The following ENTREP2 variants were observed in gnomAD, a reference collection of about 807,000 sequenced individuals.
ENTREP2 encodes protein ENTREP2.
At chr15:29,336,603 G>A in the ENTREP2 span, among the ~76,000 whole-genome samples, 1 of 151,012 alleles carries the variant, frequency 6.6e-6, no homozygotes, top group East Asian at 2.0e-4. Context: ...GAGCCACCGC[G>A]CCCAGCCTTA....
the ENTREP2 span, among the ~76,000 whole-genome samples, chr15:29,555,971 C>T: frequency 5.7e-4 from 87 of 152,360 alleles, 1 homozygote; most frequent in East Asian, 6.4e-3. Flanking sequence ...AGGGGAATTC[C>T]TGGCCAGGCA....
chr15:29,422,206 G>A, the ENTREP2 span, among the ~76,000 whole-genome samples: 1 of 151,970 alleles, frequency 6.6e-6, no homozygotes, highest in Non-Finnish European at 1.5e-5. Context: ...GGAAGCAGAG[G>A]TTGCAGTGAG....
the ENTREP2 span, among the ~76,000 whole-genome samples, chr15:29,411,318 C>A: frequency 6.6e-6 from 1 of 152,094 alleles, no homozygotes; most frequent in Non-Finnish European, 1.5e-5. Flanking sequence ...ATTTCCACTC[C>A]CACCAAGAAT....
the ENTREP2 span, among the ~76,000 whole-genome samples, chr15:29,142,230 A>G: frequency 6.6e-6 from 1 of 152,220 alleles, no homozygotes; most frequent in Admixed American, 6.5e-5. Context: ...TTTCTGCAAG[A>G]AATACACCCA....
chr15:29,432,654 G>A, the ENTREP2 span, among the ~76,000 whole-genome samples: 1 of 152,188 alleles, frequency 6.6e-6, no homozygotes, highest in Non-Finnish European at 1.5e-5. Context: ...AGGAGCCCAT[G>A]CCCAGGGCAG....
chr15:29,328,175 A>G, the ENTREP2 span, among the ~76,000 whole-genome samples: 18 of 152,242 alleles, frequency 1.2e-4, no homozygotes, highest in African/African-American at 4.3e-4. Flanking sequence ...GAAATAAGTG[A>G]ATCTTAAAAA....
the ENTREP2 span, among the ~76,000 whole-genome samples, chr15:29,281,930 A>G: frequency 6.6e-6 from 1 of 152,200 alleles, no homozygotes; most frequent in Non-Finnish European, 1.5e-5. Flanking sequence ...GTGAGACTAC[A>G]GGTTGGTAGT....
chr15:29,194,128 T>C, the ENTREP2 span, among the ~76,000 whole-genome samples: 1 of 152,212 alleles, frequency 6.6e-6, no homozygotes, highest in Admixed American at 6.5e-5. Flanking sequence ...AAAATTTATA[T>C]GGAATTACAA....
At chr15:29,401,111 A>C in the ENTREP2 span, among the ~76,000 whole-genome samples, 1 of 152,328 alleles carries the variant, frequency 6.6e-6, no homozygotes, top group African/African-American at 2.4e-5. Flanking sequence ...GCTGACCTGC[A>C]AACCCAGAGG....
chr15:29,212,317 G>C, the ENTREP2 span, among the ~76,000 whole-genome samples: 1 of 152,078 alleles, frequency 6.6e-6, no homozygotes, highest in Non-Finnish European at 1.5e-5. Context: ...GGTGTCAGTT[G>C]TAATACCTCC....
At chr15:29,218,020 C>G in the ENTREP2 span, among the ~76,000 whole-genome samples, 1 of 152,126 alleles carries the variant, frequency 6.6e-6, no homozygotes, top group Non-Finnish European at 1.5e-5. Context: ...TGTCTGTCTT[C>G]TGGGTCTGGC....
chr15:29,673,971 A>C, the ENTREP2 span, among the ~76,000 whole-genome samples: 2 of 152,184 alleles, frequency 1.3e-5, no homozygotes, highest in Non-Finnish European at 2.9e-5. Flanking sequence ...GTGTGTGTTC[A>C]GGGCAATCCA....
chr15:29,517,595 C>A, the ENTREP2 span, among the ~76,000 whole-genome samples: 1 of 152,080 alleles, frequency 6.6e-6, no homozygotes, highest in Non-Finnish European at 1.5e-5. Context: ...TATTCATATT[C>A]TTTTTCTTGT....
chr15:29,247,359 C>T, the ENTREP2 span, among the ~76,000 whole-genome samples: 1 of 151,992 alleles, frequency 6.6e-6, no homozygotes, highest in African/African-American at 2.4e-5. Context: ...CAAGTCTTGG[C>T]AAAAGAAAAT....
At chr15:29,624,354 C>T in the ENTREP2 span, among the ~76,000 whole-genome samples, 1 of 152,004 alleles carries the variant, frequency 6.6e-6, no homozygotes, top group East Asian at 1.9e-4. Flanking sequence ...CACACACGTA[C>T]AATATAGTTT....
chr15:29,201,641 A>G, the ENTREP2 span, among the ~76,000 whole-genome samples: 1 of 152,210 alleles, frequency 6.6e-6, no homozygotes, highest in Non-Finnish European at 1.5e-5. Context: ...AATGATGTAT[A>G]TAACTCCTTT....
the ENTREP2 span, among the ~76,000 whole-genome samples, chr15:29,291,309 C>A: frequency 6.6e-6 from 1 of 152,202 alleles, no homozygotes; most frequent in Non-Finnish European, 1.5e-5. Context: ...CAGGCACCCC[C>A]ACTCCTGCCT....
the ENTREP2 span, among the ~76,000 whole-genome samples, chr15:29,625,933 G>A: frequency 1.3e-5 from 2 of 151,718 alleles, no homozygotes; most frequent in East Asian, 1.9e-4. Flanking sequence ...TGCAACCTCC[G>A]CCTCCCTCGT....
the ENTREP2 span, among the ~76,000 whole-genome samples, chr15:29,141,477 TC>T: frequency 6.6e-6 from 1 of 152,260 alleles, no homozygotes; most frequent in East Asian, 1.9e-4. Context: ...AGGGCAGGCA[TC>T]AGGGGTCTGT....
Sources: allele counts gnomAD v4.1 joint callset (sites outside exome capture counted in the v4.1 genomes callset), GRCh38; gene constraint gnomAD v4.1.1; transcripts MANE v1.5; gene names NCBI Gene and HGNC (gene_info 2026-07-23, HGNC 2026-07-21).